The following RABL3 variants were observed in gnomAD, a reference collection of about 807,000 sequenced individuals.
The protein encoded by RABL3 is RAB, member of RAS oncogene family like 3.
Under a neutral mutation model 31.8 loss-of-function variants are expected in RABL3, and 31 were observed. The observed-to-expected ratio is 0.97, with a 90% CI of 0.73 to 1.31. The LOEUF (loss-of-function observed/expected upper bound fraction) is 1.31. Among genes scored for constraint, RABL3 ranks in the 40% most tolerant of loss-of-function variants. The pLI is 0.00. For synonymous variants in RABL3, 97 were observed against 99.9 expected (o/e 0.97, Z 0.18); for missense variants, 263 against 279.6 (o/e 0.94, Z 0.42).
chr3:120,714,901 C>G (rs1318629454), intron 2 of RABL3, among the ~76,000 whole-genome samples: 1 of 152,064 alleles, frequency 6.6e-6, no homozygotes, highest in Non-Finnish European at 1.5e-5. Context: ...TAAATTTTCT[C>G]TTTTAGAAAT....
At position 120,684,965 on chromosome 3, in the gene RABL3, A is replaced by G. The variant is rs937748846; in HGVS notation, c.*4858T>C. Reference sequence around the variant, plus strand: ...CTGATTCTATGTCTAATGGCTTTCCATTTTAATTAATGTAATTATACATTC... The same window carrying G: ...CTGATTCTATGTCTAATGGCTTTCCGTTTTAATTAATGTAATTATACATTC... On this transcript the variant is annotated 3_prime_UTR_variant, in exon 8 of 8. Transcript: ENST00000273375. Among the ~76,000 whole-genome samples the G allele has an allele frequency of 6.6e-6, 1 of 152,252 alleles. No individual in the cohort carries two copies. Among genetic ancestry groups the G allele is most frequent in the Non-Finnish European group, 1.5e-5 (1 of 68,044 alleles).
chr3:120,719,768 T>TG, intron 2 of RABL3, among the ~76,000 whole-genome samples: 1 of 152,310 alleles, frequency 6.6e-6, no homozygotes, highest in East Asian at 1.9e-4. Context: ...ACTCCACCTC[T>TG]GGGGGCAGGG....
In RABL3 at chr3:120,684,949, T is replaced by C. The variant is rs1017345571; in HGVS notation, c.*4874A>G. ...CAGCTACAGATAAGTTCTGATTCTA[T>C]GTCTAATGGCTTTCCATTTTAATTA... On this transcript the variant is annotated 3_prime_UTR_variant, in exon 8 of 8. Coordinates refer to ENST00000273375, the MANE Select transcript of RABL3 (RefSeq NM_173825.5). Among the ~76,000 whole-genome samples, 3 of 152,252 alleles carry C rather than the reference T, an allele frequency of 2.0e-5. No homozygotes were observed. The highest frequency in any genetic ancestry group is 1.9e-4 in the East Asian group (1 of 5,204).
chr3:120,735,032 T>C (rs1045632096), intron 1 of RABL3, among the ~76,000 whole-genome samples: 4 of 152,220 alleles, frequency 2.6e-5, no homozygotes, highest in Admixed American at 1.3e-4. Context: ...CTGCCAGGCT[T>C]TGGTATCAGG....
At chr3:120,723,884 G>A (rs555918398) in intron 2 of RABL3, among the ~76,000 whole-genome samples, 149 of 151,998 alleles carry the variant, frequency 9.8e-4, no homozygotes, top group African/African-American at 2.9e-3. Flanking sequence ...TTTGAAAACT[G>A]GCACAAGACA....
At chr3:120,708,373 T>A (rs896284436) in intron 3 of RABL3, among the ~76,000 whole-genome samples, 1 of 151,996 alleles carries the variant, frequency 6.6e-6, no homozygotes, top group Non-Finnish European at 1.5e-5. Context: ...ATGGATTTCT[T>A]CTTCAGCACT....
chr3:120,717,428 T>C (rs76806089), intron 2 of RABL3, among the ~76,000 whole-genome samples: 10,996 of 152,198 alleles, frequency 0.072, 1,322 homozygotes, highest in East Asian at 0.47. Flanking sequence ...CCACACTCAT[T>C]CCAGTAAACC....
intron 4 of RABL3, among the ~76,000 whole-genome samples, chr3:120,705,371 A>G (rs1230154231): frequency 6.6e-6 from 1 of 152,250 alleles, no homozygotes; most frequent in East Asian, 1.9e-4. Flanking sequence ...GAAAAAGAAT[A>G]AAGTAGAAGG....
chr3:120,731,773 C>T lies in RABL3; in HGVS notation c.47-986G>A, dbSNP rs146603283. 4.3e-3 allele frequency among the ~76,000 whole-genome samples: 656 copies of T among 152,172 alleles called. 3 individuals carry two copies. Among genetic ancestry groups the T allele is most frequent in the Admixed American group, 0.013 (192 of 15,284 alleles). On this transcript the variant is annotated intron_variant, in intron 1 of 7. Coordinates refer to ENST00000273375, the MANE Select transcript of RABL3 (RefSeq NM_173825.5). ...CTAGAAAGTATGCACAAATGAGGGC[C>T]AGGCACGGTGGCTCACGTCTGTACT...
At chr3:120,721,621 C>G (rs1471959639) in intron 2 of RABL3, among the ~76,000 whole-genome samples, 4 of 152,126 alleles carry the variant, frequency 2.6e-5, no homozygotes, top group African/African-American at 4.8e-5. Context: ...TCAACAAGAA[C>G]AGCTAACTAT....
chr3:120,728,948 T>C (rs1708852811), intron 2 of RABL3, among the ~76,000 whole-genome samples: 1 of 151,882 alleles, frequency 6.6e-6, no homozygotes, highest in Admixed American at 6.6e-5. Flanking sequence ...GCTTCAGGGG[T>C]TGGTGCCTGG....
intron 2 of RABL3, among the ~76,000 whole-genome samples, chr3:120,726,722 C>G (rs1292507940): frequency 2.0e-5 from 3 of 151,744 alleles, no homozygotes; most frequent in African/African-American, 4.8e-5. Context: ...CCAGCCGGAG[C>G]AACAGAGTGG....
At chr3:120,707,663 T>G (rs1405336284) in intron 3 of RABL3, among the ~76,000 whole-genome samples, 2 of 152,076 alleles carry the variant, frequency 1.3e-5, no homozygotes, top group Non-Finnish European at 2.9e-5. Context: ...CTCCCTTTCC[T>G]TTTCCCCAGG....
upstream of RABL3, chr3:120,742,519 C>G (rs377751456): frequency 1.2e-6 from 2 of 1,613,996 alleles, no homozygotes; most frequent in African/African-American, 2.7e-5. Flanking sequence ...TTGCCACTGC[C>G]TTCCCTGGGT....
In RABL3 at chr3:120,694,170, T is replaced by G; in HGVS notation, c.589A>C (p.Ser197Arg). 6.2e-7 allele frequency: 1 copy of G among 1,607,628 alleles called. No individual in the cohort carries two copies. Among genetic ancestry groups the G allele is most frequent in the Non-Finnish European group, 8.5e-7 (1 of 1,175,102 alleles). Residue 197 changes from serine to arginine, a missense_variant, in exon 6 of 8, where the codon AGT becomes CGT. Transcript: ENST00000273375. ...AAGSSNAVKL[S>R]RFFDKVIEKR... ...ACCATTACCTTATCAAAAAACCTAC[T>G]GAGCTTGACAGCATTGGAAGAACCT...
At chr3:120,693,489 T>C (rs999173847) in intron 6 of RABL3, among the ~76,000 whole-genome samples, 6 of 152,230 alleles carry the variant, frequency 3.9e-5, no homozygotes, top group Non-Finnish European at 7.3e-5. Flanking sequence ...CATCCTGTTT[T>C]ACCTTACTAT....
At chr3:120,732,525 C>T (rs1708897931) in intron 1 of RABL3, among the ~76,000 whole-genome samples, 1 of 151,788 alleles carries the variant, frequency 6.6e-6, no homozygotes, top group African/African-American at 2.4e-5. Flanking sequence ...GAGAAGAATG[C>T]CCTGTATAAA....
intron 2 of RABL3, among the ~76,000 whole-genome samples, chr3:120,728,163 A>T (rs866446448): frequency 3.3e-4 from 51 of 152,280 alleles, no homozygotes; most frequent in African/African-American, 1.2e-3. Context: ...TAGGAAAAGG[A>T]GTAGGGCAGG....
intron 1 of RABL3, among the ~76,000 whole-genome samples, chr3:120,733,745 A>C (rs113388581): frequency 0.017 from 2,640 of 152,266 alleles, 81 homozygotes; most frequent in African/African-American, 0.061. Flanking sequence ...AGGTGTAAGG[A>C]AGGGATCCAG....
Sources: allele counts gnomAD v4.1 joint callset (sites outside exome capture counted in the v4.1 genomes callset), GRCh38; gene constraint gnomAD v4.1.1; transcripts MANE v1.5; gene names NCBI Gene and HGNC (gene_info 2026-07-23, HGNC 2026-07-21).